TUBAL3: variants seen among roughly 807,000 people sequenced by gnomAD.
TUBAL3 encodes tubulin alpha chain-like 3.
Under a neutral mutation model 15.5 loss-of-function variants are expected in TUBAL3, and 16 were observed. That is an observed-to-expected ratio of 1.04 (90% confidence interval 0.70 to 1.57). The LOEUF is 1.57. Among genes scored for constraint, TUBAL3 ranks in the 40% most tolerant of loss-of-function variants. The probability of loss-of-function intolerance (pLI) is 0.00; values close to 1 mark genes in which losing one functional copy is unlikely to be tolerated. For missense variants in TUBAL3, 609 were observed against 576.2 expected, an observed-to-expected ratio of 1.06 and a Z score of -0.58; for synonymous variants, 238 against 224.3, an observed-to-expected ratio of 1.06 and a Z score of -0.55.
chr10:5,401,720 A>G (rs534944149), intron 1 of TUBAL3, among the ~76,000 whole-genome samples: 10 of 152,288 alleles, frequency 6.6e-5, no homozygotes, highest in Admixed American at 2.0e-4. Context: ...ATATAGAGAT[A>G]AAAATTGATT....
chr10:5,396,409 T>G lies in TUBAL3; in HGVS notation c.248-934A>C, dbSNP rs1240617360. Among the ~76,000 whole-genome samples, 1 of 152,068 alleles carries G rather than the reference T, an allele frequency of 6.6e-6. No individual in the cohort carries two copies. Among genetic ancestry groups the G allele is most frequent in the African/African-American group, 2.4e-5 (1 of 41,392 alleles). On this transcript the variant is annotated intron_variant, in intron 2 of 3. Transcript: ENST00000380419. The surrounding 1 kb of genome is among the most constrained non-coding windows in gnomAD (Gnocchi z 5.1). ...CTGTAATCCCAGCTACTCGGGAGACTGAGGCAGGAGAATCACTTCAACCCA... is the reference window on the plus strand; with the variant it reads ...CTGTAATCCCAGCTACTCGGGAGACGGAGGCAGGAGAATCACTTCAACCCA...
rs1189156378 is a variant in TUBAL3, at chr10:5,395,527, T to C, written c.248-52A>G. On this transcript the variant is annotated intron_variant, in intron 2 of 3. Transcript: ENST00000380419. This position sits in a 1 kb window ranked among gnomAD's most constrained non-coding sequence, Gnocchi z 4.6. The stretch of plus-strand genomic sequence containing the variant: ...CAACTCACCCAGTGCAATTCAGCCG[T>C]CCACCTGCTGCTAGTCCTCCTGGAG... 2 of 1,366,902 alleles carry C rather than the reference T, an allele frequency of 1.5e-6. No individual in the cohort carries two copies. Among genetic ancestry groups the C allele is most frequent in the African/African-American group, 1.5e-5 (1 of 67,628 alleles). 84.7% of individuals were successfully genotyped at this position (1,366,902 alleles called of 1,614,324 possible). A position where few individuals can be genotyped will look rare whatever the true frequency, so the allele number is the denominator to read the frequency against.
chr10:5,394,504 C>A lies in TUBAL3; in HGVS notation c.397-43G>T, dbSNP rs1831733437. On this transcript the variant is annotated intron_variant, in intron 3 of 3. Coordinates refer to ENST00000380419, the MANE Select transcript of TUBAL3 (RefSeq NM_024803.3). This position sits in a 1 kb window ranked among gnomAD's most constrained non-coding sequence, Gnocchi z 4.3. ...GATGTGAGAATTCAGCTGAATAAAT[C>A]CAGAAGCAGTGAATTGGACAGTAGT... is the stretch of plus-strand genomic sequence containing the variant. The A allele has an allele frequency of 6.5e-7, 1 of 1,532,142 alleles. No individual in the cohort carries two copies. The highest frequency in any genetic ancestry group is 1.3e-5 in the South Asian group (1 of 77,582). 94.9% of individuals were successfully genotyped at this position (1,532,142 alleles called of 1,614,324 possible). A position where few individuals can be genotyped will look rare whatever the true frequency, so the allele number is the denominator to read the frequency against.
chr10:5,404,669 G>A (rs10904491), intron 1 of TUBAL3, 121 bp downstream of exon 1: 683,632 of 1,063,436 alleles, frequency 0.64, 221,840 homozygotes, highest in Admixed American at 0.76. Context: ...AGAAACAAAT[G>A]TTTCTTTACA....
intron 1 of TUBAL3, among the ~76,000 whole-genome samples, chr10:5,404,234 G>T (rs1831899119): frequency 6.6e-6 from 1 of 152,106 alleles, no homozygotes; most frequent in African/African-American, 2.4e-5. Flanking sequence ...TGAAAAACTG[G>T]CACAGAAAAA....
chr10:5,401,684 C>T (rs1446144948), intron 1 of TUBAL3, among the ~76,000 whole-genome samples: 1 of 151,390 alleles, frequency 6.6e-6, no homozygotes, highest in Non-Finnish European at 1.5e-5. Flanking sequence ...TTAACAGTTC[C>T]AAAATGTAAA....
rs1422246794 is a variant in TUBAL3, at chr10:5,395,060, C to T, written c.396+267G>A. ...AGAGTGCTATGGGAGTCTCTCGTAACAAGATGAACCCTGTGTTAGGAGAAC... is the reference window on the plus strand; with the variant it reads ...AGAGTGCTATGGGAGTCTCTCGTAATAAGATGAACCCTGTGTTAGGAGAAC... On this transcript the variant is annotated intron_variant, in intron 3 of 3. Transcript: ENST00000380419. This position sits in a 1 kb window ranked among gnomAD's most constrained non-coding sequence, Gnocchi z 4.6. Among the ~76,000 whole-genome samples the T allele has an allele frequency of 6.6e-6, 1 of 152,156 alleles. No individual in the cohort carries two copies. The highest frequency in any genetic ancestry group is 1.5e-5 in the Non-Finnish European group (1 of 68,038).
At chr10:5,404,648 T>A (rs1588416414) in intron 1 of TUBAL3, 142 bp downstream of exon 1, 1 of 834,744 alleles carries the variant, frequency 1.2e-6, no homozygotes, top group East Asian at 2.7e-5. Flanking sequence ...CTCATCTACT[T>A]GGACATTGAA....
In TUBAL3 at chr10:5,396,820, T is replaced by A. The variant is rs143975272; in HGVS notation, c.248-1345A>T. Among the ~76,000 whole-genome samples, 369 of 152,350 alleles carry A rather than the reference T, an allele frequency of 2.4e-3. 1 individual carries two copies. Among genetic ancestry groups the A allele is most frequent in the African/African-American group, 8.5e-3 (353 of 41,566 alleles). ...TAAACAGCAGTGTTTCAGGGCTAAG[T>A]AGGCTTTGGGACGGCTGCCCTGGTT... On this transcript the variant is annotated intron_variant, in intron 2 of 3. Coordinates refer to ENST00000380419, the MANE Select transcript of TUBAL3 (RefSeq NM_024803.3). This position sits in a 1 kb window ranked among gnomAD's most constrained non-coding sequence, Gnocchi z 5.1.
intron 2 of TUBAL3, among the ~76,000 whole-genome samples, chr10:5,399,116 C>T (rs1211140132): frequency 6.6e-6 from 1 of 152,200 alleles, no homozygotes; most frequent in African/African-American, 2.4e-5. Context: ...AAGCAAGTTC[C>T]TTGACTTCCC....
rs368398918 is a variant in TUBAL3 at position 5,395,435 on chromosome 10, G to A, written c.288C>T (p.Pro96=). The part of the protein sequence containing the change: ...RTGQHRSLFH[P]EQLLSGKEDA... Reference sequence around the variant, plus strand: ...CCTCCTTTCCGCTAAGGAGCTGCTCGGGGTGGAAGAGTGAACGGTGCTGGC... The same window carrying A: ...CCTCCTTTCCGCTAAGGAGCTGCTCAGGGTGGAAGAGTGAACGGTGCTGGC... The change falls in exon 3 of 4, where the codon CCC becomes CCT. Residue 96 remains proline, a synonymous_variant. Coordinates refer to ENST00000380419, the MANE Select transcript of TUBAL3 (RefSeq NM_024803.3). The surrounding 1 kb of genome is among the most constrained non-coding windows in gnomAD (Gnocchi z 4.6). 168 of 1,600,950 alleles carry A rather than the reference G, an allele frequency of 1.0e-4. No individual in the cohort carries two copies. The highest frequency in any genetic ancestry group is 1.7e-4 in the Middle Eastern group (1 of 6,034).
chr10:5,400,822 T>C lies in TUBAL3; in HGVS notation c.247+22A>G, dbSNP rs782625707. 1.9e-6 allele frequency: 3 copies of C among 1,613,720 alleles called. No individual in the cohort carries two copies. In the South Asian group the frequency reaches 3.3e-5, roughly 18 times the overall value. ...TGAGTGTGGCTCCAGTTAAGTATGCTAGAATGGAACATTTATTGTACCTAT... is the reference window on the plus strand; with the variant it reads ...TGAGTGTGGCTCCAGTTAAGTATGCCAGAATGGAACATTTATTGTACCTAT... On this transcript the variant is annotated intron_variant, in intron 2 of 3. Coordinates refer to ENST00000380419, the MANE Select transcript of TUBAL3 (RefSeq NM_024803.3).
rs1554813869 is a variant in TUBAL3 at position 5,394,292 on chromosome 10, A to G, written c.566T>C (p.Val189Ala). The part of the protein sequence containing the change: ...YPAPRISTAV[V>A]EPYNSVLTTH... ...GGTGAGGACAGAGTTATAAGGCTCT[A>G]CCACAGCAGTGGAGATCCTGGGGGC... Residue 189 changes from valine to alanine, a missense_variant, in exon 4 of 4, where the codon GTA (valine) becomes GCA (alanine). Transcript: ENST00000380419. This position sits in a 1 kb window ranked among gnomAD's most constrained non-coding sequence, Gnocchi z 4.3. 6.2e-7 allele frequency: 1 copy of G among 1,614,184 alleles called. No homozygotes were observed. Among genetic ancestry groups the G allele is most frequent in the Admixed American group, 1.7e-5 (1 of 60,018 alleles).
rs539545753 is a variant in TUBAL3 at position 5,395,876 on chromosome 10, G to A, written c.248-401C>T. Among the ~76,000 whole-genome samples, 44 of 152,226 alleles carry A rather than the reference G, an allele frequency of 2.9e-4. No individual in the cohort carries two copies. Among genetic ancestry groups the A allele is most frequent in the Admixed American group, 2.8e-3 (43 of 15,294 alleles). On this transcript the variant is annotated intron_variant, in intron 2 of 3. Transcript: ENST00000380419. The surrounding 1 kb of genome is among the most constrained non-coding windows in gnomAD (Gnocchi z 4.6). ...GTCCAAACATCTCTCCTGGCACCGG[G>A]TGACTTACAATTCTTAGCTCTCCTT...
Position 5,393,640 on chromosome 10 carries a change from G to A in TUBAL3, c.1218C>T (p.Tyr406=), listed in dbSNP as rs367579573. Reference sequence around the variant, plus strand: ...ACCAGTGCAGAAATGCTCTCTTGGCGTACATGAGGTCAAACTTGTGGTCCA... The same window carrying A: ...ACCAGTGCAGAAATGCTCTCTTGGCATACATGAGGTCAAACTTGTGGTCCA... ...ARLDHKFDLM[Y]AKRAFLHWYL... is the part of the protein sequence containing the mutation. Residue 406 remains tyrosine, a synonymous_variant, in exon 4 of 4, where the codon TAC becomes TAT. Coordinates refer to ENST00000380419, the MANE Select transcript of TUBAL3 (RefSeq NM_024803.3). 261 of 1,614,106 alleles carry A rather than the reference G, an allele frequency of 1.6e-4. No individual in the cohort carries two copies. The highest frequency in any genetic ancestry group is 1.9e-4 in the Non-Finnish European group (228 of 1,180,032).
rs1353827439 is a variant in TUBAL3 at position 5,397,146 on chromosome 10, A to C, written c.248-1671T>G. Among the ~76,000 whole-genome samples the C allele has an allele frequency of 2.0e-5, 3 of 152,236 alleles. No homozygotes were observed. Among genetic ancestry groups the C allele is most frequent in the African/African-American group, 4.8e-5 (2 of 41,456 alleles). Reference sequence around the variant, plus strand: ...AGCCTTGGCAGCAGATAGCTGAGCCAGTCCTAGAAGCTCACAGCCTAAGGA... The same window carrying C: ...AGCCTTGGCAGCAGATAGCTGAGCCCGTCCTAGAAGCTCACAGCCTAAGGA... On this transcript the variant is annotated intron_variant, in intron 2 of 3. Transcript: ENST00000380419. The surrounding 1 kb of genome is among the most constrained non-coding windows in gnomAD (Gnocchi z 4.9).
Position 5,395,508 on chromosome 10 carries a change from AC to A in TUBAL3, c.248-34del, listed in dbSNP as rs1831751233. The A allele has an allele frequency of 1.4e-6, 2 of 1,414,684 alleles. No individual in the cohort carries two copies. The highest frequency in any genetic ancestry group is 1.9e-6 in the Non-Finnish European group (2 of 1,068,686). The allele number at this position is 1,414,684 out of a possible 1,614,324, so 87.6% of individuals were successfully genotyped here. Reference sequence around the variant, plus strand: ...GGGTGAAAGGAGGTCAGTGCAACTCACCCAGTGCAATTCAGCCGTCCACCTG... The same window carrying A: ...GGGTGAAAGGAGGTCAGTGCAACTCACCAGTGCAATTCAGCCGTCCACCTG... On this transcript the variant is annotated intron_variant, in intron 2 of 3. Transcript: ENST00000380419. The surrounding 1 kb of genome is among the most constrained non-coding windows in gnomAD (Gnocchi z 4.6).
Position 5,395,574 on chromosome 10 carries a change from T to C in TUBAL3, c.248-99A>G. The C allele has an allele frequency of 8.0e-7, 1 of 1,250,900 alleles. No individual in the cohort carries two copies. Among genetic ancestry groups the C allele is most frequent in the Non-Finnish European group, 1.1e-6 (1 of 951,468 alleles). 77.5% of individuals were successfully genotyped at this position (1,250,900 alleles called of 1,614,324 possible). A position where few individuals can be genotyped will look rare whatever the true frequency, so the allele number is the denominator to read the frequency against. On this transcript the variant is annotated intron_variant, in intron 2 of 3. Coordinates refer to ENST00000380419, the MANE Select transcript of TUBAL3 (RefSeq NM_024803.3). The surrounding 1 kb of genome is among the most constrained non-coding windows in gnomAD (Gnocchi z 4.6). ...GGAGCCTCCCCGTACTTGACTCCCATGCTTTCTCTCAATATTGTGGTCCAG... is the reference window on the plus strand; with the variant it reads ...GGAGCCTCCCCGTACTTGACTCCCACGCTTTCTCTCAATATTGTGGTCCAG...
At chr10:5,402,922 G>A (rs556319314) in intron 1 of TUBAL3, among the ~76,000 whole-genome samples, 2 of 152,318 alleles carry the variant, frequency 1.3e-5, no homozygotes, top group South Asian at 4.1e-4. Flanking sequence ...GAGGACCACT[G>A]GTCTACACAG....
Sources: allele counts gnomAD v4.1 joint callset (sites outside exome capture counted in the v4.1 genomes callset), GRCh38; gene constraint gnomAD v4.1.1; non-coding constraint Gnocchi (gnomAD v3.1); transcripts MANE v1.5; gene names NCBI Gene and HGNC (gene_info 2026-07-23, HGNC 2026-07-21).